The following TBC1D2B variants were observed in gnomAD, a reference collection of about 807,000 sequenced individuals.
TBC1D2B encodes TBC1 domain family member 2B.
Under a neutral mutation model 100.8 loss-of-function variants are expected in TBC1D2B, and 64 were observed. The observed-to-expected ratio is 0.64, with a 90% CI of 0.52 to 0.78. TBC1D2B has a LOEUF of 0.78. Ranked by LOEUF, TBC1D2B falls within the 30% of genes least tolerant of loss-of-function variation. The pLI is 0.00. For synonymous variants in TBC1D2B, 480 were observed against 479.7 expected (o/e 1.00, Z -0.01); for missense variants, 1,052 against 1,218.4 (o/e 0.86, Z 2.03).
chr15:78,023,469 C>T (rs2072567859), intron 6 of TBC1D2B, among the ~76,000 whole-genome samples: 1 of 152,226 alleles, frequency 6.6e-6, no homozygotes, highest in Non-Finnish European at 1.5e-5. Context: ...GAAATGCAGG[C>T]TGCCCCCACC....
intron 3 of TBC1D2B, among the ~76,000 whole-genome samples, chr15:78,036,483 T>C (rs551415117): frequency 2.0e-5 from 3 of 152,318 alleles, no homozygotes; most frequent in Admixed American, 2.0e-4. Context: ...AACACCGTTA[T>C]CTGGGGAGTG....
chr15:78,010,799 C>T (rs2072203241), intron 9 of TBC1D2B, among the ~76,000 whole-genome samples: 1 of 152,150 alleles, frequency 6.6e-6, no homozygotes, highest in Admixed American at 6.5e-5. Flanking sequence ...AAGCCATGAA[C>T]ATGTACCAAA....
At chr15:78,068,888 T>C (rs1030622263) in intron 1 of TBC1D2B, among the ~76,000 whole-genome samples, 6 of 152,250 alleles carry the variant, frequency 3.9e-5, no homozygotes, top group Admixed American at 1.3e-4. Flanking sequence ...TGACAGGATA[T>C]GGGTGAACAC....
At chr15:78,006,599 G>A (rs1362891728) in intron 10 of TBC1D2B, among the ~76,000 whole-genome samples, 1 of 152,222 alleles carries the variant, frequency 6.6e-6, no homozygotes, top group Non-Finnish European at 1.5e-5. Flanking sequence ...AGACAGGCAA[G>A]TTTAGGCCCA....
chr15:78,045,057 G>A lies in TBC1D2B; in HGVS notation c.526C>T (p.Pro176Ser), dbSNP rs755173989. 3.1e-6 allele frequency: 5 copies of A among 1,598,148 alleles called. No homozygotes were observed. Among genetic ancestry groups the A allele is most frequent in the Non-Finnish European group, 3.4e-6 (4 of 1,171,708 alleles). ...VARDNTDLIY[P>S]HPNASAEKAR... ...TTTTCTGCAGAAGCATTTGGGTGTG[G>A]GTAAATTAAATCTGAAAAAAAAGGT... Residue 176 changes from proline (P) to serine (S), a missense_variant, in exon 3 of 13, where the codon CCA (proline) becomes TCA (serine). Pro to Ser is a moderately conservative substitution (Grantham distance 74, BLOSUM62 -1). This residue lies in a region of TBC1D2B where 627 missense variants were observed against 646.1 expected (regional missense o/e 0.97). Transcript: ENST00000300584.
At chr15:78,057,177 A>G (rs1056282806) in intron 1 of TBC1D2B, among the ~76,000 whole-genome samples, 1 of 151,758 alleles carries the variant, frequency 6.6e-6, no homozygotes, top group Non-Finnish European at 1.5e-5. Flanking sequence ...ACAATCAGTA[A>G]CCTCTGAGTC....
chr15:78,016,976 GC>G (rs2072393480), intron 7 of TBC1D2B: 1 of 442,566 alleles, frequency 2.3e-6, no homozygotes, highest in Non-Finnish European at 4.0e-6. Flanking sequence ...ACCTCTGGAT[GC>G]CAACAAATGC....
rs567724679 is a variant in TBC1D2B at position 77,999,047 on chromosome 15, G to C, written c.2697-692C>G. The C allele has an allele frequency of 6.4e-5, 16 of 250,584 alleles. No individual in the cohort carries two copies. In the South Asian group the frequency reaches 6.4e-4, roughly 10 times the overall value. 15.5% of individuals were successfully genotyped at this position (250,584 alleles called of 1,614,324 possible). A position where few individuals can be genotyped will look rare whatever the true frequency, so the allele number is the denominator to read the frequency against. Reference sequence around the variant, plus strand: ...AAGACCAAAAGCTGTCCTGAGGCCTGGCTATGGATTTGTAGCACTAATGGG... The same window carrying C: ...AAGACCAAAAGCTGTCCTGAGGCCTCGCTATGGATTTGTAGCACTAATGGG... On this transcript the variant is annotated intron_variant, in intron 12 of 12. Coordinates refer to ENST00000300584, the MANE Select transcript of TBC1D2B (RefSeq NM_144572.2).
At chr15:78,038,784 T>C (rs903332127) in intron 3 of TBC1D2B, among the ~76,000 whole-genome samples, 2 of 152,074 alleles carry the variant, frequency 1.3e-5, no homozygotes, top group Non-Finnish European at 2.9e-5. Context: ...TGAGTCATGG[T>C]GAAAGGTCTC....
intron 3 of TBC1D2B, among the ~76,000 whole-genome samples, chr15:78,041,673 A>G (rs905373431): frequency 6.6e-6 from 1 of 152,234 alleles, no homozygotes; most frequent in Non-Finnish European, 1.5e-5. Flanking sequence ...TTAAAACTTC[A>G]TAAAGCATGC....
chr15:78,026,783 C>T (rs2072680028), intron 4 of TBC1D2B, among the ~76,000 whole-genome samples: 2 of 151,946 alleles, frequency 1.3e-5, no homozygotes, highest in Non-Finnish European at 2.9e-5. Flanking sequence ...TGCCTGTAAT[C>T]CCAGCTACTC....
intron 2 of TBC1D2B, among the ~76,000 whole-genome samples, chr15:78,050,604 T>C (rs2073293989): frequency 6.6e-6 from 1 of 152,218 alleles, no homozygotes; most frequent in Non-Finnish European, 1.5e-5. Context: ...GATTGTATCT[T>C]TATGCAAATT....
In TBC1D2B at chr15:78,045,001, C is replaced by T; in HGVS notation, c.582G>A (p.Val194=). Residue 194 remains valine, a synonymous_variant, in exon 3 of 13, where the codon GTG becomes GTA. Coordinates refer to ENST00000300584, the MANE Select transcript of TBC1D2B (RefSeq NM_144572.2). ...CTTGTTCTCCCACCAGCTCTCCAGG[C>T]ACAGTCTCCACAGCTAGGACATTTC... ...KARNVLAVET[V]PGELVGEQAA... The T allele has an allele frequency of 6.2e-7, 1 of 1,613,800 alleles. No individual in the cohort carries two copies.
rs1055974810 is a variant in TBC1D2B, at chr15:78,045,150, A to G, written c.515-82T>C. Reference sequence around the variant, plus strand: ...ATCCCACATAAAACACTGACTTGACATACTATATAAAAATCTAAACTATGT... The same window carrying G: ...ATCCCACATAAAACACTGACTTGACGTACTATATAAAAATCTAAACTATGT... On this transcript the variant is annotated intron_variant, in intron 2 of 12. Coordinates refer to ENST00000300584, the MANE Select transcript of TBC1D2B (RefSeq NM_144572.2). 1.7e-5 allele frequency: 21 copies of G among 1,259,662 alleles called. No homozygotes were observed. The African/African-American group carries it at 2.9e-4, about 17-fold the overall frequency. The allele number at this position is 1,259,662 out of a possible 1,614,324, so 78.0% of individuals were successfully genotyped here.
intron 1 of TBC1D2B, among the ~76,000 whole-genome samples, chr15:78,069,695 A>T (rs1254716304): frequency 6.6e-6 from 1 of 152,232 alleles, no homozygotes; most frequent in Non-Finnish European, 1.5e-5. Flanking sequence ...AAGAGGCCAG[A>T]GTGGTAAAAG....
intron 1 of TBC1D2B, among the ~76,000 whole-genome samples, chr15:78,068,591 C>T (rs1332085665): frequency 6.6e-6 from 1 of 152,214 alleles, no homozygotes; most frequent in Non-Finnish European, 1.5e-5. Context: ...AGGAGCAAAA[C>T]CATCCTGAAT....
intron 2 of TBC1D2B, among the ~76,000 whole-genome samples, chr15:78,045,306 T>C (rs2073173105): frequency 6.6e-6 from 1 of 152,176 alleles, no homozygotes; most frequent in South Asian, 2.1e-4. Context: ...AACCACCAAG[T>C]ATTAACAGTG....
At chr15:78,001,529 GTT>G in intron 12 of TBC1D2B, 88 bp downstream of exon 12, 2 of 1,451,044 alleles carry the variant, frequency 1.4e-6, no homozygotes, top group Non-Finnish European at 1.8e-6. Flanking sequence ...ATGGCTCTGA[GTT>G]GGAAGACAGC....
At chr15:78,021,870 T>TC (rs1269286800) in intron 6 of TBC1D2B, among the ~76,000 whole-genome samples, 6 of 152,214 alleles carry the variant, frequency 3.9e-5, no homozygotes, top group South Asian at 2.1e-4. Context: ...CCCGATCAGC[T>TC]CCGTTAGCTG....
Sources: gnomAD v4.1 joint callset for allele counts (sites outside exome capture counted in the v4.1 genomes callset) on GRCh38, gnomAD v4.1.1 for gene constraint, gnomAD v4.1.1 regional missense constraint, MANE v1.5 for transcripts, NCBI Gene and HGNC (gene_info 2026-07-23, HGNC 2026-07-21) for gene names.